The following PHF21A variants were observed in gnomAD, a reference collection of about 807,000 sequenced individuals.
The protein encoded by PHF21A is BHC80a.
PHF21A carries 11 observed loss-of-function variants against 82.5 expected under a neutral mutation model. The ratio of observed to expected loss-of-function variants is 0.13; its 90% confidence interval spans 0.08 to 0.22. The LOEUF is 0.22. Among genes scored for constraint, PHF21A ranks in the 10% least tolerant of loss-of-function variants. PHF21A has a pLI of 1.00. For missense variants in PHF21A, 579 were observed against 837.8 expected, an observed-to-expected ratio of 0.69 and a Z score of 3.81; for synonymous variants, 297 against 302.8, an observed-to-expected ratio of 0.98 and a Z score of 0.20.
At chr11:45,990,916 G>T (rs1432194672) in intron 6 of PHF21A, among the ~76,000 whole-genome samples, 1 of 152,104 alleles carries the variant, frequency 6.6e-6, no homozygotes, top group African/African-American at 2.4e-5. Context: ...TTAAACTAGT[G>T]TTCACTCCTG....
chr11:46,091,950 A>C (rs1565947568), intron 2 of PHF21A, among the ~76,000 whole-genome samples: 1 of 152,208 alleles, frequency 6.6e-6, no homozygotes. Context: ...ACATTTTAAC[A>C]GGTTATCGAA....
chr11:46,000,606 T>C (rs2095088134), intron 6 of PHF21A, among the ~76,000 whole-genome samples: 1 of 152,180 alleles, frequency 6.6e-6, no homozygotes, highest in African/African-American at 2.4e-5. Flanking sequence ...ATCCAACCCC[T>C]CTGAAACATT....
intron 6 of PHF21A, among the ~76,000 whole-genome samples, chr11:45,992,495 G>A (rs968430632): frequency 2.6e-5 from 4 of 152,154 alleles, no homozygotes; most frequent in Non-Finnish European, 1.5e-5. Flanking sequence ...AGCTGAGATC[G>A]CGCCACTGCA....
intron 1 of PHF21A, among the ~76,000 whole-genome samples, chr11:46,093,109 T>C (rs1315438683): frequency 6.6e-6 from 1 of 152,216 alleles, no homozygotes; most frequent in Non-Finnish European, 1.5e-5. Flanking sequence ...TTTGTTTCTA[T>C]GCCACATATC....
At chr11:45,996,660 T>A (rs557189517) in intron 6 of PHF21A, among the ~76,000 whole-genome samples, 12 of 152,342 alleles carry the variant, frequency 7.9e-5, no homozygotes, top group African/African-American at 2.4e-4. Context: ...CTTGAGCAGA[T>A]AAAATGAAAG....
intron 14 of PHF21A, among the ~76,000 whole-genome samples, chr11:45,948,581 T>C (rs1475804043): frequency 6.6e-6 from 1 of 152,226 alleles, no homozygotes; most frequent in African/African-American, 2.4e-5. Flanking sequence ...TCCTTTTACA[T>C]GGGGTTCTGT....
chr11:46,011,353 G>A (rs2095410166), intron 6 of PHF21A, among the ~76,000 whole-genome samples: 1 of 152,138 alleles, frequency 6.6e-6, no homozygotes, highest in South Asian at 2.1e-4. Flanking sequence ...GCTGGGTGTG[G>A]TGGTGCATGC....
At position 45,930,914 on chromosome 11, in the gene PHF21A, C is replaced by CG. The variant is rs928921119; in HGVS notation, c.*3053_*3054insC. ...TCTCAGGTGGTCACAGGCCCCCCCC[C>CG]CTCCCCGCCCAGGTCTGAGGGGACA... On this transcript the variant is annotated 3_prime_UTR_variant, in exon 19 of 19. Transcript: ENST00000676320. The CG allele has an allele frequency of 2.0e-3, 308 of 151,172 alleles. 4 individuals carry two copies. Among genetic ancestry groups the CG allele is most frequent in the Non-Finnish European group, 3.4e-3 (229 of 67,704 alleles). The allele number at this position is 151,172 out of a possible 1,614,324, so 9.4% of individuals were successfully genotyped here.
chr11:46,096,158 T>G lies in PHF21A; in HGVS notation c.-236-3935A>C, dbSNP rs78335501. ...GCCCCAACATCTTAATAACCATCCC[T>G]CTTGTACCCACCTCTCTTACCCTCT... On this transcript the variant is annotated intron_variant, in intron 1 of 18. Transcript: ENST00000676320. Among the ~76,000 whole-genome samples the G allele has an allele frequency of 3.6e-3, 552 of 152,226 alleles. 10 individuals are homozygous for G. In the South Asian group the frequency reaches 0.043, roughly 12 times the overall value.
chr11:46,102,103 G>A lies in PHF21A; in HGVS notation c.-236-9880C>T, dbSNP rs546257420. ...AAACTCCTGACCTTGTGATCCACCCGCCTCGGCCTCCCAAAGTGCTGGGAT... is the reference window on the plus strand; with the variant it reads ...AAACTCCTGACCTTGTGATCCACCCACCTCGGCCTCCCAAAGTGCTGGGAT... On this transcript the variant is annotated intron_variant, in intron 1 of 18. Transcript: ENST00000676320. Among the ~76,000 whole-genome samples the A allele has an allele frequency of 2.8e-4, 43 of 152,098 alleles. 1 individual carries two copies. Among genetic ancestry groups the A allele is most frequent in the African/African-American group, 8.9e-4 (37 of 41,522 alleles).
At chr11:46,033,025 C>G (rs990814026) in intron 6 of PHF21A, among the ~76,000 whole-genome samples, 2 of 152,252 alleles carry the variant, frequency 1.3e-5, no homozygotes, top group East Asian at 3.9e-4. Flanking sequence ...AGTTACTATT[C>G]TGAATTTCTT....
chr11:45,948,872 A>G lies in PHF21A; in HGVS notation c.1288+14T>C, dbSNP rs777317540. On this transcript the variant is annotated intron_variant, in intron 14 of 18. Transcript: ENST00000676320. Reference sequence around the variant, plus strand: ...AGCAACAGCAGCAAGGGAGAGATACAAAAAGGTCCTCACCTCTCTTCCGGG... The same window carrying G: ...AGCAACAGCAGCAAGGGAGAGATACGAAAAGGTCCTCACCTCTCTTCCGGG... 4 of 1,606,384 alleles carry G rather than the reference A, an allele frequency of 2.5e-6. No individual in the cohort carries two copies. The East Asian group carries it at 8.9e-5, about 36-fold the overall frequency.
chr11:45,994,514 A>G (rs2094834478), intron 6 of PHF21A, among the ~76,000 whole-genome samples: 1 of 152,202 alleles, frequency 6.6e-6, no homozygotes, highest in African/African-American at 2.4e-5. Context: ...ACCAGGGCTC[A>G]GTCAGTAAGA....
chr11:45,957,802 A>T (rs997727247), intron 10 of PHF21A, among the ~76,000 whole-genome samples: 9 of 151,648 alleles, frequency 5.9e-5, no homozygotes, highest in African/African-American at 2.2e-4. Flanking sequence ...GATGAAGATA[A>T]ATGAAATAGA....
At chr11:46,053,713 GTTC>G (rs1357780328) in intron 6 of PHF21A, among the ~76,000 whole-genome samples, 11 of 151,978 alleles carry the variant, frequency 7.2e-5, no homozygotes, top group East Asian at 1.9e-4. Flanking sequence ...TCTTCCTCCC[GTTC>G]TTCTTCCTGG....
intron 1 of PHF21A, among the ~76,000 whole-genome samples, chr11:46,109,972 C>T (rs1160377423): frequency 2.6e-4 from 38 of 147,160 alleles, no homozygotes; most frequent in Admixed American, 2.6e-3. Context: ...CAGGGCAAGA[C>T]TCCGTGTCAA....
chr11:45,971,890 C>CTTTTTTTTTTTTTTTTTTTTT (rs377734291), intron 7 of PHF21A, among the ~76,000 whole-genome samples: 9 of 50,284 alleles, frequency 1.8e-4, no homozygotes, highest in Admixed American at 3.2e-4. Context: ...CTTTTTCTTT[C>CTTTTTTTTTTTTTTTTTTTTT]TTTTTTTTTT....
chr11:45,952,347 T>C (rs1474351098), intron 11 of PHF21A, among the ~76,000 whole-genome samples: 1 of 152,116 alleles, frequency 6.6e-6, no homozygotes, highest in African/African-American at 2.4e-5. Context: ...GCTCAAGTGA[T>C]CCTCCCACCT....
intron 9 of PHF21A, among the ~76,000 whole-genome samples, chr11:45,968,695 G>A (rs1054245174): frequency 6.6e-5 from 10 of 151,858 alleles, no homozygotes; most frequent in Non-Finnish European, 1.0e-4. Flanking sequence ...TTGGGAGGCC[G>A]AGGCAGGTGG....
Sources: allele counts gnomAD v4.1 joint callset (sites outside exome capture counted in the v4.1 genomes callset), GRCh38; gene constraint gnomAD v4.1.1; transcripts MANE v1.5; gene names NCBI Gene and HGNC (gene_info 2026-07-23, HGNC 2026-07-21).